PDE10A: variants seen among roughly 807,000 people sequenced by gnomAD.
PDE10A encodes the protein cAMP and cAMP-inhibited cGMP 3',5'-cyclic phosphodiesterase 10A.
PDE10A carries 39 observed loss-of-function variants against 97.7 expected under a neutral mutation model. The ratio of observed to expected loss-of-function variants is 0.40; its 90% CI spans 0.31 to 0.52. The LOEUF (loss-of-function observed/expected upper bound fraction) is 0.52, where lower values mean the gene tolerates loss of function less well. PDE10A is among the 20% of genes least tolerant of loss of function. The pLI is 0.56. For synonymous variants in PDE10A, 371 were observed against 376.8 expected (o/e 0.98, Z 0.18); for missense variants, 731 against 1,047.8 (o/e 0.70, Z 4.17).
intron 1 of PDE10A, among the ~76,000 whole-genome samples, chr6:165,947,478 T>C (rs1783810578): frequency 6.6e-6 from 1 of 152,224 alleles, no homozygotes; most frequent in African/African-American, 2.4e-5. Context: ...ATATTATTGA[T>C]GGCCTTTTAT....
chr6:165,818,556 C>A (rs1779481180), intron 1 of PDE10A, among the ~76,000 whole-genome samples: 1 of 152,212 alleles, frequency 6.6e-6, no homozygotes, highest in Admixed American at 6.5e-5. Flanking sequence ...CTGTGGTTTG[C>A]CCTTAGATCA....
At chr6:165,544,120 A>G (rs1433178084) in intron 1 of PDE10A, among the ~76,000 whole-genome samples, 1 of 152,194 alleles carries the variant, frequency 6.6e-6, no homozygotes, top group Non-Finnish European at 1.5e-5. Flanking sequence ...TAAACAGGAA[A>G]ATGTAGCACT....
Position 165,392,626 on chromosome 6 carries a change from G to A in PDE10A, c.2454+20C>T, listed in dbSNP as rs771950955. On this transcript the variant is annotated intron_variant, in intron 16 of 21. Coordinates refer to ENST00000539869, the MANE Select transcript of PDE10A (RefSeq NM_001385079.1). Reference sequence around the variant, plus strand: ...ATCCACTGAGGTTACGAGAAACAGAGGTAAAGAGTGCACACCCACCTCAAG... The same window carrying A: ...ATCCACTGAGGTTACGAGAAACAGAAGTAAAGAGTGCACACCCACCTCAAG... 7 of 1,606,638 alleles carry A rather than the reference G, an allele frequency of 4.4e-6. No homozygotes were observed. The Middle Eastern group carries it at 5.0e-4, about 114-fold the overall frequency.
intron 1 of PDE10A, among the ~76,000 whole-genome samples, chr6:165,685,096 T>C (rs563262080): frequency 1.3e-5 from 2 of 152,328 alleles, no homozygotes; most frequent in Non-Finnish European, 2.9e-5. Flanking sequence ...ACTACCTTGC[T>C]CTTTAGAATC....
chr6:165,803,013 C>T (rs925025510), intron 1 of PDE10A, among the ~76,000 whole-genome samples: 6 of 152,176 alleles, frequency 3.9e-5, no homozygotes, highest in African/African-American at 1.4e-4. Flanking sequence ...TTTTATGATG[C>T]AGATACCGTG....
At chr6:165,794,625 A>G (rs902766641) in intron 1 of PDE10A, among the ~76,000 whole-genome samples, 1 of 152,094 alleles carries the variant, frequency 6.6e-6, no homozygotes, top group African/African-American at 2.4e-5. Flanking sequence ...ATACACATGT[A>G]TCTCACACAA....
At chr6:165,827,729 A>G (rs1779802176) in intron 1 of PDE10A, among the ~76,000 whole-genome samples, 1 of 152,028 alleles carries the variant, frequency 6.6e-6, no homozygotes, top group African/African-American at 2.4e-5. Context: ...TTTAGTGGTG[A>G]TTTCTGAGAT....
Position 165,384,653 on chromosome 6 carries a change from T to G in PDE10A, c.2610+3645A>C, listed in dbSNP as rs1010372753. Among the ~76,000 whole-genome samples the G allele has an allele frequency of 9.3e-4, 47 of 50,326 alleles. 1 individual carries two copies. Among genetic ancestry groups the G allele is most frequent in the African/African-American group, 5.5e-3 (44 of 8,064 alleles). 33.0% of individuals were successfully genotyped at this position (50,326 alleles called of 152,430 possible). A position where few individuals can be genotyped will look rare whatever the true frequency, so the allele number is the denominator to read the frequency against. ...GTGAGTGTGTGTGTGTGTGTGTGTG[T>G]GTGTGTGTGTGTGTGTATGGGGGGG... is the stretch of plus-strand genomic sequence containing the variant. On this transcript the variant is annotated intron_variant, in intron 17 of 21. Coordinates refer to ENST00000539869, the MANE Select transcript of PDE10A (RefSeq NM_001385079.1).
chr6:165,822,690 T>A (rs890518176), intron 1 of PDE10A, among the ~76,000 whole-genome samples: 9 of 151,706 alleles, frequency 5.9e-5, no homozygotes, highest in African/African-American at 2.2e-4. Context: ...GAGTGATAAG[T>A]GAGTGGTGAG....
At chr6:165,565,653 GGACT>G (rs1784741140) in intron 1 of PDE10A, among the ~76,000 whole-genome samples, 1 of 152,030 alleles carries the variant, frequency 6.6e-6, no homozygotes, top group Non-Finnish European at 1.5e-5. Flanking sequence ...CAAAGTTCGA[GGACT>G]GACAATACCC....
intron 1 of PDE10A, among the ~76,000 whole-genome samples, chr6:165,708,751 G>A (rs10455959): frequency 7.0e-5 from 5 of 71,442 alleles, no homozygotes; most frequent in Non-Finnish European, 1.1e-4. Context: ...ACTCTCCACC[G>A]CCATGCTGCC....
intron 1 of PDE10A, among the ~76,000 whole-genome samples, chr6:165,982,803 A>T (rs111770812): frequency 6.6e-6 from 1 of 152,208 alleles, no homozygotes; most frequent in Non-Finnish European, 1.5e-5. Flanking sequence ...CCACATGTCC[A>T]TTCAGTTATA....
At chr6:165,884,329 G>C (rs940147378) in intron 1 of PDE10A, among the ~76,000 whole-genome samples, 2 of 152,186 alleles carry the variant, frequency 1.3e-5, no homozygotes, top group Non-Finnish European at 2.9e-5. Flanking sequence ...GAATAAAAGC[G>C]TCTTTCATCG....
intron 1 of PDE10A, among the ~76,000 whole-genome samples, chr6:165,958,937 C>T (rs993930503): frequency 6.6e-6 from 1 of 152,140 alleles, no homozygotes; most frequent in African/African-American, 2.4e-5. Flanking sequence ...TTTCAATATT[C>T]CAGTTGCCCT....
intron 17 of PDE10A, among the ~76,000 whole-genome samples, chr6:165,386,594 T>C (rs902251831): frequency 7.2e-5 from 11 of 152,176 alleles, no homozygotes; most frequent in African/African-American, 2.7e-4. Flanking sequence ...AAAGTAGACA[T>C]TAGCTGTCAT....
At chr6:165,924,632 C>T (rs1782872395) in intron 1 of PDE10A, among the ~76,000 whole-genome samples, 2 of 152,200 alleles carry the variant, frequency 1.3e-5, no homozygotes, top group Admixed American at 1.3e-4. Context: ...CAACGAGCAC[C>T]AGAGAATACT....
chr6:165,962,986 G>A (rs747744685), intron 1 of PDE10A, among the ~76,000 whole-genome samples: 10 of 152,320 alleles, frequency 6.6e-5, no homozygotes, highest in Middle Eastern at 3.4e-3. Context: ...ACCCACACGC[G>A]TGGTTGTAAT....
chr6:165,634,909 C>A (rs1220419091), intron 1 of PDE10A, among the ~76,000 whole-genome samples: 5 of 152,214 alleles, frequency 3.3e-5, no homozygotes, highest in African/African-American at 1.2e-4. Context: ...TTCCACATGG[C>A]ATGGTCCAGG....
At chr6:165,780,100 G>A (rs887460998) in intron 1 of PDE10A, among the ~76,000 whole-genome samples, 2 of 152,110 alleles carry the variant, frequency 1.3e-5, no homozygotes, top group Non-Finnish European at 1.5e-5. Flanking sequence ...TCTTTAAGTG[G>A]TACAAGTTTG....
Sources: allele counts gnomAD v4.1 joint callset (sites outside exome capture counted in the v4.1 genomes callset), GRCh38; gene constraint gnomAD v4.1.1; transcripts MANE v1.5; gene names NCBI Gene and HGNC (gene_info 2026-07-23, HGNC 2026-07-21).